MIER2: variants seen among roughly 807,000 people sequenced by gnomAD.
MIER2 encodes mesoderm induction early response protein 2.
Under a neutral mutation model 67.6 loss-of-function variants are expected in MIER2, and 30 were observed. The observed-to-expected ratio is 0.44, with a 90% CI of 0.33 to 0.60. The LOEUF (loss-of-function observed/expected upper bound fraction) is 0.60, where lower values mean the gene tolerates loss of function less well. MIER2 is among the 20% of genes least tolerant of loss of function. The pLI is 0.02. For missense variants in MIER2, 702 were observed against 745.1 expected, an observed-to-expected ratio of 0.94 and a Z score of 0.67; for synonymous variants, 372 against 312.6, an observed-to-expected ratio of 1.19 and a Z score of -2.00.
chr19:336,307 T>G, intron 1 of MIER2, 134 bp from the exon 2 acceptor site: 2 of 692,504 alleles, frequency 2.9e-6, no homozygotes, highest in Non-Finnish European at 4.8e-6. Flanking sequence ...TGTCTCCGCC[T>G]CTGAGGGCTG....
chr19:327,925 G>A lies in MIER2; in HGVS notation c.308C>T (p.Ser103Leu). Residue 103 changes from serine to leucine, a missense_variant, in exon 4 of 14, where the codon TCA (serine) becomes TTA (leucine). By Grantham distance (145) the Ser-to-Leu change is moderately radical. This residue lies in a region of MIER2 where 320 missense variants were observed against 292.6 expected (regional missense o/e 1.09). Coordinates refer to ENST00000264819, the MANE Select transcript of MIER2 (RefSeq NM_017550.3). Reference protein sequence around the residue: ...LYGYEASDPISDRESEGGDVA... With the variant: ...LYGYEASDPILDRESEGGDVA... ...GTCACCACCCTCACTCTCCCGGTCT[G>A]AAATGGGGTCTGACGCCTCGTAGCC... 6.2e-7 allele frequency: 1 copy of A among 1,613,178 alleles called. No homozygotes were observed. Among genetic ancestry groups the A allele is most frequent in the Non-Finnish European group, 8.5e-7 (1 of 1,179,572 alleles).
intron 1 of MIER2, among the ~76,000 whole-genome samples, chr19:341,105 C>T (rs921078475): frequency 6.6e-6 from 1 of 152,192 alleles, no homozygotes; most frequent in African/African-American, 2.4e-5. Flanking sequence ...CCTAAGTGAC[C>T]TCTGAAATCA....
At chr19:310,428 A>G (rs990122562) in intron 10 of MIER2, among the ~76,000 whole-genome samples, 7 of 152,216 alleles carry the variant, frequency 4.6e-5, no homozygotes, top group African/African-American at 1.7e-4. Flanking sequence ...CAGGCTGACC[A>G]ACGTGTGCTG....
intron 10 of MIER2, among the ~76,000 whole-genome samples, chr19:310,054 A>G (rs1027521106): frequency 7.9e-5 from 12 of 151,508 alleles, no homozygotes; most frequent in Non-Finnish European, 1.5e-5. Flanking sequence ...ACACACACGC[A>G]CACAAGGCTT....
chr19:327,398 G>A (rs1971810945), intron 4 of MIER2, 142 bp from the exon 5 acceptor site: 4 of 1,117,942 alleles, frequency 3.6e-6, no homozygotes, highest in Non-Finnish European at 5.0e-6. Flanking sequence ...AGGGTGCACA[G>A]CGTGGGGGGA....
chr19:341,106 T>C (rs933854984), intron 1 of MIER2, among the ~76,000 whole-genome samples: 1 of 152,142 alleles, frequency 6.6e-6, no homozygotes, highest in Non-Finnish European at 1.5e-5. Context: ...CTAAGTGACC[T>C]CTGAAATCAC....
At chr19:328,209 C>T (rs185431709) in intron 3 of MIER2, among the ~76,000 whole-genome samples, 33 of 152,216 alleles carry the variant, frequency 2.2e-4, no homozygotes, top group South Asian at 1.0e-3. Context: ...TAGGGGTCAC[C>T]GGCCAGGGAA....
chr19:312,117 C>A, intron 9 of MIER2, 74 bp downstream of exon 9: 1 of 1,156,812 alleles, frequency 8.6e-7, no homozygotes. Flanking sequence ...GGAAGGAAGG[C>A]CCAGGCCGGG....
chr19:315,415 C>A (rs975220308), intron 7 of MIER2, among the ~76,000 whole-genome samples: 1 of 152,220 alleles, frequency 6.6e-6, no homozygotes, highest in Non-Finnish European at 1.5e-5. Flanking sequence ...CAGGTCTACA[C>A]ACAGCCGATG....
chr19:319,192 T>C (rs1485839473), intron 7 of MIER2, among the ~76,000 whole-genome samples: 2 of 151,410 alleles, frequency 1.3e-5, no homozygotes, highest in South Asian at 2.1e-4. Flanking sequence ...TGAAACCCCA[T>C]CTCTACTAAC....
At chr19:330,336 G>C (rs1040786661) in intron 3 of MIER2, 2 of 151,988 alleles carry the variant, frequency 1.3e-5, no homozygotes, top group African/African-American at 4.8e-5. Context: ...CACGAGGTCA[G>C]GAGATTGAGA....
intron 3 of MIER2, chr19:334,109 GC>G: frequency 3.4e-6 from 1 of 297,382 alleles, no homozygotes; most frequent in Non-Finnish European, 6.4e-6. Context: ...ACAAGCGTGA[GC>G]CACTGCACCC....
At chr19:313,921 G>A (rs1203728570) in intron 7 of MIER2, among the ~76,000 whole-genome samples, 1 of 152,148 alleles carries the variant, frequency 6.6e-6, no homozygotes, top group Non-Finnish European at 1.5e-5. Flanking sequence ...CAGCAGGGGC[G>A]CCTGATCCAG....
intron 6 of MIER2, 103 bp from the exon 7 acceptor site, chr19:325,807 TCCAGACC>T: frequency 7.8e-7 from 1 of 1,279,854 alleles, no homozygotes; most frequent in Non-Finnish European, 1.1e-6. Context: ...GGGGCCACTG[TCCAGACC>T]CCAGACCCAT....
Position 326,549 on chromosome 19 carries a change from G to C in MIER2, c.543C>G (p.Ser181=). 1.2e-6 allele frequency: 2 copies of C among 1,614,082 alleles called. No homozygotes were observed. Among genetic ancestry groups the C allele is most frequent in the Non-Finnish European group, 1.7e-6 (2 of 1,179,956 alleles). ...CAGGAAGAGAGTCCTCCTCGGTGTC[G>C]GAGGAGGCAGAAGAGCCAGGCTCTC... ...EDREPGSSAS[S]DTEEDSLPAN... Residue 181 remains serine, a synonymous_variant, in exon 6 of 14, where the codon TCC becomes TCG. Transcript: ENST00000264819.
At chr19:323,904 C>T (rs574543638) in intron 7 of MIER2, among the ~76,000 whole-genome samples, 52 of 151,740 alleles carry the variant, frequency 3.4e-4, no homozygotes, top group African/African-American at 9.4e-4. Flanking sequence ...ACCACACAGA[C>T]GACTCGAAGG....
chr19:329,604 G>T (rs1971927076), intron 3 of MIER2, among the ~76,000 whole-genome samples: 1 of 152,154 alleles, frequency 6.6e-6, no homozygotes, highest in Admixed American at 6.6e-5. Context: ...GAAGATGCTG[G>T]ACAGCCGGGC....
intron 1 of MIER2, chr19:343,779 A>C (rs770367900): frequency 4.2e-5 from 39 of 932,078 alleles, no homozygotes; most frequent in Non-Finnish European, 5.0e-5. Flanking sequence ...CCACTGACTG[A>C]GCACCTCGCA....
At chr19:309,639 TTCAGGG>T in intron 10 of MIER2, among the ~76,000 whole-genome samples, 2 of 87,400 alleles carry the variant, frequency 2.3e-5, no homozygotes, top group Non-Finnish European at 4.1e-5. Context: ...CACACAAGGC[TTCAGGG>T]AGACGAGAAG....
Sources: gnomAD v4.1 joint callset for allele counts (sites outside exome capture counted in the v4.1 genomes callset) on GRCh38, gnomAD v4.1.1 for gene constraint, gnomAD v4.1.1 regional missense constraint, MANE v1.5 for transcripts, NCBI Gene and HGNC (gene_info 2026-07-23, HGNC 2026-07-21) for gene names.